The following TSGA10 variants were observed in gnomAD, a reference collection of about 807,000 sequenced individuals.
TSGA10 encodes the protein testis specific 10.
TSGA10 carries 43 observed loss-of-function variants against 96.6 expected under a neutral mutation model. The ratio of observed to expected loss-of-function variants is 0.44; its 90% CI spans 0.35 to 0.57. The LOEUF (loss-of-function observed/expected upper bound fraction) is 0.57. Among genes scored for constraint, TSGA10 ranks in the 20% least tolerant of loss-of-function variants. TSGA10 has a pLI of 0.01. For missense variants in TSGA10, 703 were observed against 834.4 expected (o/e 0.84, Z 1.94); for synonymous variants, 229 against 269.9 (o/e 0.85, Z 1.48).
At chr2:99,009,572 A>C (rs2078827723) in intron 20 of TSGA10, among the ~76,000 whole-genome samples, 1 of 62,948 alleles carries the variant, frequency 1.6e-5, no homozygotes, top group African/African-American at 1.2e-4. Context: ...ACCCTGTCTC[A>C]AAAAAAAAAA....
At chr2:99,073,246 T>C (rs952194157) in intron 12 of TSGA10, among the ~76,000 whole-genome samples, 173 bp from the exon 13 acceptor site, 1 of 152,240 alleles carries the variant, frequency 6.6e-6, no homozygotes, top group Non-Finnish European at 1.5e-5. Context: ...TGTGAATATT[T>C]GCACTGGGTA....
chr2:99,022,316 C>T (rs2080106635), intron 17 of TSGA10, among the ~76,000 whole-genome samples: 1 of 126,062 alleles, frequency 7.9e-6, no homozygotes. Flanking sequence ...CTGAAGGAGA[C>T]CCTGTCTCAA....
chr2:99,081,264 TAA>T lies in TSGA10; in HGVS notation c.727+16_727+17del, dbSNP rs2087455228. ...ACTTAAGAAAAACTAAAAGTAATAT[TAA>T]GAGAAAAAAACTCACCAATTTTTTC... On this transcript the variant is annotated intron_variant, in intron 11 of 20. Transcript: ENST00000393483. The T allele has an allele frequency of 1.5e-6, 2 of 1,368,928 alleles. No individual in the cohort carries two copies. The highest frequency in any genetic ancestry group is 2.8e-5 in the South Asian group (2 of 72,422). The allele number at this position is 1,368,928 out of a possible 1,614,324, so 84.8% of individuals were successfully genotyped here.
intron 16 of TSGA10, among the ~76,000 whole-genome samples, chr2:99,057,648 T>C (rs1325322936): frequency 2.0e-5 from 3 of 152,154 alleles, no homozygotes; most frequent in Non-Finnish European, 4.4e-5. Context: ...GAAAACTTAA[T>C]ATTGTTAAGA....
chr2:99,109,040 T>C (rs2091594627), intron 6 of TSGA10, 49 bp from the exon 7 acceptor site: 2 of 1,367,186 alleles, frequency 1.5e-6, no homozygotes, highest in African/African-American at 1.5e-5. Flanking sequence ...ATAGTACTGA[T>C]AGAAAGGTGC....
At chr2:99,025,574 G>T (rs866442451) in intron 17 of TSGA10, among the ~76,000 whole-genome samples, 18 of 151,938 alleles carry the variant, frequency 1.2e-4, no homozygotes, top group African/African-American at 4.4e-4. Context: ...TTTGATTCTT[G>T]ATTGTTTTCA....
chr2:99,033,662 G>A (rs909322147), intron 17 of TSGA10, among the ~76,000 whole-genome samples: 3 of 152,122 alleles, frequency 2.0e-5, no homozygotes, highest in Non-Finnish European at 2.9e-5. Flanking sequence ...CCAACATGGT[G>A]AAATGCTGTC....
At chr2:99,010,220 G>A (rs1485946091) in intron 20 of TSGA10, among the ~76,000 whole-genome samples, 2 of 152,206 alleles carry the variant, frequency 1.3e-5, no homozygotes, top group African/African-American at 4.8e-5. Context: ...GGCAGATGGA[G>A]TATGGCAGAT....
At chr2:99,146,509 ATTG>A (rs2093633701) in intron 1 of TSGA10, among the ~76,000 whole-genome samples, 1 of 151,522 alleles carries the variant, frequency 6.6e-6, no homozygotes, top group Admixed American at 6.6e-5. Flanking sequence ...TTCCTCCCTT[ATTG>A]TTTAAGCTTT....
intron 1 of TSGA10, chr2:99,140,994 C>T: frequency 9.7e-7 from 1 of 1,029,704 alleles, no homozygotes. Flanking sequence ...CCGCACCCGC[C>T]ACTCCTGCCC....
At chr2:99,016,853 A>G (rs370337572) in intron 20 of TSGA10, among the ~76,000 whole-genome samples, 1 of 152,318 alleles carries the variant, frequency 6.6e-6, no homozygotes, top group East Asian at 1.9e-4. Context: ...ATGAATAAAC[A>G]ATTCTCAAAA....
intron 1 of TSGA10, among the ~76,000 whole-genome samples, chr2:99,134,010 C>T (rs1431769900): frequency 6.6e-6 from 1 of 152,146 alleles, no homozygotes; most frequent in Non-Finnish European, 1.5e-5. Flanking sequence ...TCTGTCTGCC[C>T]TTAACATTTT....
intron 20 of TSGA10, among the ~76,000 whole-genome samples, chr2:99,012,987 T>TA (rs1364523108): frequency 1.3e-5 from 2 of 152,212 alleles, no homozygotes; most frequent in African/African-American, 4.8e-5. Context: ...TCTTCTTTTT[T>TA]AACTTATCTT....
intron 16 of TSGA10, among the ~76,000 whole-genome samples, chr2:99,042,038 A>AAC (rs2082235848): frequency 8.9e-6 from 1 of 112,266 alleles, no homozygotes; most frequent in Admixed American, 9.9e-5. Context: ...TTGCCCCCCC[A>AAC]CATTTTTTTT....
chr2:99,080,877 T>C (rs183075581), intron 11 of TSGA10, among the ~76,000 whole-genome samples: 1 of 152,264 alleles, frequency 6.6e-6, no homozygotes, highest in Admixed American at 6.5e-5. Context: ...TAACTAACAC[T>C]ATCCCCTTGG....
intron 16 of TSGA10, among the ~76,000 whole-genome samples, chr2:99,053,200 AT>A (rs1431895738): frequency 2.6e-5 from 4 of 152,184 alleles, no homozygotes; most frequent in African/African-American, 9.7e-5. Context: ...CAATCCTCAA[AT>A]TCTTCCAAAA....
At position 99,004,859 on chromosome 2, in the gene TSGA10, A is replaced by G. The variant is rs192595985; in HGVS notation, c.2073-6638T>C. The stretch of plus-strand genomic sequence containing the variant: ...AACAAAAAAAGAGAATTTTAGACCA[A>G]TATCCTTGATGAACACTGATGCAAA... On this transcript the variant is annotated intron_variant, in intron 20 of 20. Coordinates refer to ENST00000393483, the MANE Select transcript of TSGA10 (RefSeq NM_025244.4). Among the ~76,000 whole-genome samples, 489 of 152,342 alleles carry G rather than the reference A, an allele frequency of 3.2e-3. 2 individuals carry two copies. Among genetic ancestry groups the G allele is most frequent in the African/African-American group, 0.011 (466 of 41,582 alleles).
In TSGA10 at chr2:99,136,009, C is replaced by CAAAA. The variant is rs56120844; in HGVS notation, c.-620-8837_-620-8834dup. Among the ~76,000 whole-genome samples the CAAAA allele has an allele frequency of 3.2e-5, 4 of 125,768 alleles. 1 individual carries two copies. Among genetic ancestry groups the CAAAA allele is most frequent in the Admixed American group, 1.7e-4 (2 of 11,590 alleles). The allele number at this position is 125,768 out of a possible 152,430, so 82.5% of individuals were successfully genotyped here. A position where few individuals can be genotyped will look rare whatever the true frequency, so the allele number is the denominator to read the frequency against. ...GGGGGACAAGAGCGAGACTTCGTAC[C>CAAAA]AAAAAAAAAAAAGGGTCTGCATCAT... is the stretch of plus-strand genomic sequence containing the variant. On this transcript the variant is annotated intron_variant, in intron 1 of 20. Coordinates refer to ENST00000393483, the MANE Select transcript of TSGA10 (RefSeq NM_025244.4).
chr2:99,044,504 C>T (rs1254947607), intron 16 of TSGA10, among the ~76,000 whole-genome samples: 1 of 152,090 alleles, frequency 6.6e-6, no homozygotes, highest in East Asian at 1.9e-4. Context: ...TATATATGCA[C>T]CCAATACAGG....
Sources: gnomAD v4.1 joint callset for allele counts (sites outside exome capture counted in the v4.1 genomes callset) on GRCh38, gnomAD v4.1.1 for gene constraint, MANE v1.5 for transcripts, NCBI Gene and HGNC (gene_info 2026-07-23, HGNC 2026-07-21) for gene names.